Variants in RIC3 observed in about 807,000 individuals in gnomAD.
The protein encoded by RIC3 is protein RIC-3.
In RIC3, 28 loss-of-function variants were observed where a neutral mutation model predicts 27.3. That is an observed-to-expected ratio of 1.02 (90% confidence interval 0.76 to 1.41). RIC3 has a LOEUF of 1.41. Ranked by LOEUF, RIC3 falls within the 40% of genes most tolerant of loss-of-function variation. RIC3 has a pLI of 0.00. For missense variants in RIC3, 501 were observed against 444.7 expected, an observed-to-expected ratio of 1.13 and a Z score of -1.14; for synonymous variants, 184 against 160.4, an observed-to-expected ratio of 1.15 and a Z score of -1.11.
the RIC3 span, among the ~76,000 whole-genome samples, chr11:8,098,593 G>T: frequency 6.6e-6 from 1 of 152,174 alleles, no homozygotes. Flanking sequence ...TTCTGCCCAC[G>T]AAGTGTCTTC....
chr11:8,126,932 G>T (rs1384728194), intron 4 of RIC3, 125 bp from the exon 5 acceptor site: 2 of 1,090,952 alleles, frequency 1.8e-6, no homozygotes, highest in East Asian at 5.0e-5. Context: ...ATTATTCTAG[G>T]AATTGATCCT....
chr11:8,099,188 G>C, the RIC3 span, among the ~76,000 whole-genome samples: 3 of 152,126 alleles, frequency 2.0e-5, no homozygotes, highest in African/African-American at 7.2e-5. Context: ...GCATTTCCCA[G>C]ATCATCCCTC....
At chr11:8,102,987 A>G (rs890458048), downstream of RIC3, 4 of 152,266 alleles carry the variant, frequency 2.6e-5, no homozygotes, top group Admixed American at 2.0e-4. Flanking sequence ...GATAAATTAG[A>G]TTGAAACCAT....
chr11:8,146,568 T>C (rs1181646447), intron 1 of RIC3, among the ~76,000 whole-genome samples: 4 of 152,148 alleles, frequency 2.6e-5, no homozygotes, highest in African/African-American at 9.6e-5. Flanking sequence ...CTGAGCCAAA[T>C]ATAAGTGACC....
At chr11:8,151,415 G>T (rs1000686713) in intron 1 of RIC3, among the ~76,000 whole-genome samples, 1 of 150,390 alleles carries the variant, frequency 6.6e-6, no homozygotes, top group African/African-American at 2.5e-5. Flanking sequence ...GTGAAACCCC[G>T]TCTCTACTAA....
rs72849310 is a variant in RIC3 at position 8,130,400 on chromosome 11, A to G, written c.522-3593T>C. ...TTTGTTCCTGCTCCCTAAATGCCCAAAGCTGCTCTGGTTACCACCCTTCCT... is the reference window on the plus strand; with the variant it reads ...TTTGTTCCTGCTCCCTAAATGCCCAGAGCTGCTCTGGTTACCACCCTTCCT... On this transcript the variant is annotated intron_variant, in intron 4 of 5. Coordinates refer to ENST00000309737, the MANE Select transcript of RIC3 (RefSeq NM_001206671.4). Among the ~76,000 whole-genome samples, 570 of 152,280 alleles carry G rather than the reference A, an allele frequency of 3.7e-3. 3 individuals are homozygous for G. The highest frequency in any genetic ancestry group is 6.8e-3 in the Middle Eastern group (2 of 294).
chr11:8,134,370 C>T (rs1324373166), intron 4 of RIC3, among the ~76,000 whole-genome samples: 1 of 152,140 alleles, frequency 6.6e-6, no homozygotes, highest in East Asian at 1.9e-4. Context: ...ATATATGTGC[C>T]ACATTTTCTT....
intron 5 of RIC3, among the ~76,000 whole-genome samples, chr11:8,112,329 G>A (rs576188234): frequency 1.2e-4 from 17 of 142,424 alleles, no homozygotes; most frequent in Admixed American, 7.3e-4. Context: ...TCGCTCTGTC[G>A]CCTGCCCAGG....
chr11:8,149,002 C>T (rs1177931091), intron 1 of RIC3, among the ~76,000 whole-genome samples: 3 of 143,412 alleles, frequency 2.1e-5, no homozygotes, highest in Non-Finnish European at 4.5e-5. Context: ...AACACGGTGA[C>T]ACCCTGTCTC....
intron 1 of RIC3, among the ~76,000 whole-genome samples, chr11:8,158,553 G>C (rs1950880383): frequency 1.3e-5 from 2 of 151,510 alleles, no homozygotes; most frequent in Admixed American, 1.3e-4. Flanking sequence ...TTGACCAAGT[G>C]TGCTGACATT....
At chr11:8,131,900 CAAAAAAAAAA>C (rs796158730) in intron 4 of RIC3, among the ~76,000 whole-genome samples, 275 of 26,196 alleles carry the variant, frequency 0.01, 2 homozygotes, top group African/African-American at 0.03. Flanking sequence ...GACTCCATCT[CAAAAAAAAAA>C]AAAAAAAAAA....
At chr11:8,093,190 C>T in the RIC3 span, among the ~76,000 whole-genome samples, 1 of 151,732 alleles carries the variant, frequency 6.6e-6, no homozygotes, top group African/African-American at 2.4e-5. Context: ...CAGCGTCCCT[C>T]GGGAGGTGAC....
the RIC3 span, among the ~76,000 whole-genome samples, chr11:8,096,133 G>GTCTCAA: frequency 1.1e-4 from 17 of 152,206 alleles, no homozygotes; most frequent in Non-Finnish European, 2.4e-4. Flanking sequence ...GAGACAACTT[G>GTCTCAA]AGGATGGGGA....
At chr11:8,117,805 T>TA (rs1218943410) in intron 5 of RIC3, among the ~76,000 whole-genome samples, 2 of 152,090 alleles carry the variant, frequency 1.3e-5, no homozygotes, top group African/African-American at 4.8e-5. Context: ...TATATAATTT[T>TA]ATGTATTAAT....
intron 1 of RIC3, among the ~76,000 whole-genome samples, chr11:8,145,027 T>G (rs1590280047): frequency 1.6e-5 from 1 of 63,998 alleles, no homozygotes; most frequent in East Asian, 5.0e-4. Context: ...CTGGGGACTG[T>G]GGTGGGGTGG....
chr11:8,123,311 T>C, intron 5 of RIC3, among the ~76,000 whole-genome samples: 1 of 151,250 alleles, frequency 6.6e-6, no homozygotes, highest in African/African-American at 2.4e-5. Context: ...AATAAAATAA[T>C]GGCCAAAAAT....
At chr11:8,094,141 G>T in the RIC3 span, 1 of 1,613,994 alleles carries the variant, frequency 6.2e-7, no homozygotes, top group South Asian at 1.1e-5. Flanking sequence ...AGCTACAGCA[G>T]GGGGCCAGGG....
At chr11:8,166,464 T>G (rs1188265451) in intron 1 of RIC3, among the ~76,000 whole-genome samples, 1 of 152,204 alleles carries the variant, frequency 6.6e-6, no homozygotes, top group Non-Finnish European at 1.5e-5. Context: ...AATTTTCAAA[T>G]ACTCAGGGTT....
intron 1 of RIC3, among the ~76,000 whole-genome samples, chr11:8,150,120 T>C (rs980501750): frequency 6.6e-6 from 1 of 152,180 alleles, no homozygotes; most frequent in Non-Finnish European, 1.5e-5. Context: ...AATATGTATA[T>C]ACGGCCACCC....
Sources: allele counts gnomAD v4.1 joint callset (sites outside exome capture counted in the v4.1 genomes callset), GRCh38; gene constraint gnomAD v4.1.1; transcripts MANE v1.5; gene names NCBI Gene and HGNC (gene_info 2026-07-23, HGNC 2026-07-21).